Variants in CCDC171 observed in about 807,000 individuals in gnomAD.
CCDC171 encodes coiled-coil domain-containing protein 171.
CCDC171 carries 177 observed loss-of-function variants against 168.2 expected under a neutral mutation model. The ratio of observed to expected loss-of-function variants is 1.05; its 90% CI spans 0.93 to 1.19. CCDC171 has a LOEUF of 1.19. Among genes scored for constraint, CCDC171 ranks in the 50% most tolerant of loss-of-function variants. The pLI is 0.00. For missense variants in CCDC171, 1,991 were observed against 1,539.0 expected, an observed-to-expected ratio of 1.29 and a Z score of -4.91; for synonymous variants, 687 against 540.8, an observed-to-expected ratio of 1.27 and a Z score of -3.75.
the CCDC171 span, among the ~76,000 whole-genome samples, chr9:16,087,134 A>G: frequency 6.6e-6 from 1 of 152,238 alleles, no homozygotes; most frequent in Non-Finnish European, 1.5e-5. Flanking sequence ...TTTGCTGAGG[A>G]GTGCTTTACT....
At chr9:15,710,645 G>GAGT (rs2052595198) in intron 11 of CCDC171, among the ~76,000 whole-genome samples, 2 of 150,746 alleles carry the variant, frequency 1.3e-5, no homozygotes, top group African/African-American at 2.4e-5. Flanking sequence ...CTCCAGGCTG[G>GAGT]AGTACGGTGG....
At chr9:15,837,592 C>G (rs1490278063) in intron 21 of CCDC171, among the ~76,000 whole-genome samples, 1 of 152,098 alleles carries the variant, frequency 6.6e-6, no homozygotes, top group African/African-American at 2.4e-5. Context: ...AAGAAACTGC[C>G]CAGAGGCTTG....
At chr9:16,050,013 A>G (rs371036385) in intron 1 of CCDC171, among the ~76,000 whole-genome samples, 1 of 152,102 alleles carries the variant, frequency 6.6e-6, no homozygotes, top group Non-Finnish European at 1.5e-5. Context: ...TAGCCTCCCA[A>G]GTAGCTGGGA....
At chr9:15,735,878 A>G (rs2054462358) in intron 16 of CCDC171, among the ~76,000 whole-genome samples, 2 of 152,324 alleles carry the variant, frequency 1.3e-5, no homozygotes, top group South Asian at 2.1e-4. Context: ...ACTTCTGACT[A>G]CTTTTCAAAT....
At chr9:15,990,962 C>G (rs1832173490) in intron 3 of CCDC171, among the ~76,000 whole-genome samples, 1 of 152,126 alleles carries the variant, frequency 6.6e-6, no homozygotes, top group Admixed American at 6.5e-5. Context: ...CTTAGACTCC[C>G]ACACAATAAT....
intron 11 of CCDC171, among the ~76,000 whole-genome samples, chr9:15,702,272 A>AT (rs1421763847): frequency 1.3e-5 from 2 of 152,112 alleles, no homozygotes; most frequent in Non-Finnish European, 2.9e-5. Flanking sequence ...CTCATTTACC[A>AT]TTCAAAAATC....
intron 21 of CCDC171, among the ~76,000 whole-genome samples, chr9:15,809,238 C>T (rs1183595712): frequency 6.6e-6 from 1 of 152,150 alleles, no homozygotes; most frequent in African/African-American, 2.4e-5. Context: ...AGTGTATTTG[C>T]AATGAATAGT....
At chr9:15,874,976 C>A in intron 24 of CCDC171, 1 of 173,616 alleles carries the variant, frequency 5.8e-6, no homozygotes, top group Non-Finnish European at 1.2e-5. Context: ...TAGGCTGTTA[C>A]CTCTTTAAGC....
rs2041354579 is a variant in CCDC171, at chr9:15,584,012, G to GC, written c.352+4992dup. Among the ~76,000 whole-genome samples, 5 of 152,178 alleles carry GC rather than the reference G, an allele frequency of 3.3e-5. No homozygotes were observed. In the South Asian group the frequency reaches 1.0e-3, roughly 32 times the overall value. ...CTCCCGAGTGGCTGGGATTACAGGT[G>GC]CCCACCACCACGCCCGGCTAATTTT... On this transcript the variant is annotated intron_variant, in intron 4 of 25. Transcript: ENST00000380701.
the CCDC171 span, among the ~76,000 whole-genome samples, chr9:16,084,683 G>A: frequency 1.3e-5 from 2 of 152,270 alleles, no homozygotes; most frequent in East Asian, 3.9e-4. Flanking sequence ...TGCCATGGGG[G>A]CCCCCAGGAA....
In CCDC171 at chr9:15,693,532, C is replaced by T. The variant is rs146762483; in HGVS notation, c.1216-1703C>T. 5.3e-5 allele frequency among the ~76,000 whole-genome samples: 8 copies of T among 151,048 alleles called. No individual in the cohort carries two copies. The East Asian group carries it at 1.6e-3, about 29-fold the overall frequency. On this transcript the variant is annotated intron_variant, in intron 10 of 25. Transcript: ENST00000380701. ...GAGCTTAAATTCTATGAGATGGGCA[C>T]ATTAATAAAAGACCAACTCAAATAA... is the stretch of plus-strand genomic sequence containing the variant.
rs751789315 is a variant in CCDC171 at position 15,623,277 on chromosome 9, C to T, written c.686C>T (p.Thr229Ile). The change falls in exon 7 of 26, where the codon ACT (threonine) becomes ATT (isoleucine). Residue 229 changes from threonine (T) to isoleucine (I), a missense_variant. Coordinates refer to ENST00000380701, the MANE Select transcript of CCDC171 (RefSeq NM_173550.4). Reference protein sequence around the residue: ...ELQFIVQEQDTAVQNMHKKVE... With the variant: ...ELQFIVQEQDIAVQNMHKKVE... ...TGAATTATTTTCCAGGAGCAAGATA[C>T]TGCTGTGCAAAATATGCATAAGAAA... The T allele has an allele frequency of 1.3e-6, 2 of 1,578,982 alleles. No homozygotes were observed. The highest frequency in any genetic ancestry group is 1.2e-5 in the South Asian group (1 of 84,294).
At chr9:15,580,520 C>A (rs1281230927) in intron 4 of CCDC171, among the ~76,000 whole-genome samples, 1 of 151,930 alleles carries the variant, frequency 6.6e-6, no homozygotes, top group Non-Finnish European at 1.5e-5. Context: ...CTATGAGGAA[C>A]TCAAATCAGC....
chr9:15,628,240 G>C (rs187174489), intron 7 of CCDC171, among the ~76,000 whole-genome samples: 2 of 151,180 alleles, frequency 1.3e-5, no homozygotes, highest in South Asian at 4.2e-4. Flanking sequence ...CCTTACTCGG[G>C]AAGCGCAAGG....
At chr9:15,978,416 G>A (rs1450550755), downstream of CCDC171, among the ~76,000 whole-genome samples, 1 of 151,830 alleles carries the variant, frequency 6.6e-6, no homozygotes, top group Non-Finnish European at 1.5e-5. Flanking sequence ...TGCACGACAG[G>A]TGGGGCTACA....
the CCDC171 span, among the ~76,000 whole-genome samples, chr9:16,080,750 A>G: frequency 6.6e-6 from 1 of 152,128 alleles, no homozygotes; most frequent in African/African-American, 2.4e-5. Flanking sequence ...GCCCCTATCT[A>G]GTAGAAATAC....
intron 23 of CCDC171, among the ~76,000 whole-genome samples, chr9:15,859,937 G>T (rs1417944449): frequency 1.3e-5 from 2 of 151,644 alleles, no homozygotes; most frequent in African/African-American, 2.4e-5. Flanking sequence ...GAAGTGCTGG[G>T]ATTATAGGTA....
At chr9:15,915,905 A>G (rs1320774336) in intron 24 of CCDC171, among the ~76,000 whole-genome samples, 1 of 152,126 alleles carries the variant, frequency 6.6e-6, no homozygotes, top group Non-Finnish European at 1.5e-5. Context: ...TTTATGTGAT[A>G]TATCATGTTT....
chr9:15,874,107 C>T (rs1817536825), intron 23 of CCDC171, among the ~76,000 whole-genome samples: 1 of 151,996 alleles, frequency 6.6e-6, no homozygotes, highest in Non-Finnish European at 1.5e-5. Context: ...AAGACTAGTA[C>T]CTAATAACTA....
Sources: gnomAD v4.1 joint callset for allele counts (sites outside exome capture counted in the v4.1 genomes callset) on GRCh38, gnomAD v4.1.1 for gene constraint, MANE v1.5 for transcripts, NCBI Gene and HGNC (gene_info 2026-07-23, HGNC 2026-07-21) for gene names.